The following FRRS1 variants were observed in gnomAD, a reference collection of about 807,000 sequenced individuals.
FRRS1 encodes the protein ferric reductase 1.
In FRRS1, 51 loss-of-function variants were observed where a neutral mutation model predicts 70.7. The observed-to-expected ratio is 0.72, with a 90% confidence interval of 0.58 to 0.91. The LOEUF (loss-of-function observed/expected upper bound fraction) is 0.91. Ranked by LOEUF, FRRS1 falls within the 40% of genes least tolerant of loss-of-function variation. The pLI is 0.00. For missense variants in FRRS1, 672 were observed against 726.0 expected (o/e 0.93, Z 0.86); for synonymous variants, 225 against 238.7 (o/e 0.94, Z 0.53).
At chr1:99,734,341 G>A (rs1655543608) in intron 7 of FRRS1, among the ~76,000 whole-genome samples, 1 of 152,106 alleles carries the variant, frequency 6.6e-6, no homozygotes, top group Non-Finnish European at 1.5e-5. Context: ...CATGTTCTTA[G>A]AAGACACATG....
intron 12 of FRRS1, among the ~76,000 whole-genome samples, chr1:99,715,208 G>C (rs1297902396): frequency 6.6e-6 from 1 of 152,126 alleles, no homozygotes; most frequent in Non-Finnish European, 1.5e-5. Context: ...GCTGGGTACT[G>C]AGTAGAAATC....
chr1:99,737,754 G>GT (rs869108657), intron 7 of FRRS1, among the ~76,000 whole-genome samples: 1 of 151,990 alleles, frequency 6.6e-6, no homozygotes, highest in African/African-American at 2.4e-5. Context: ...TTTTGGGGGG[G>GT]TTTTTTTAGA....
At chr1:99,712,870 T>A (rs1201266656) in intron 12 of FRRS1, among the ~76,000 whole-genome samples, 1 of 152,156 alleles carries the variant, frequency 6.6e-6, no homozygotes, top group African/African-American at 2.4e-5. Context: ...CCCATCAGGA[T>A]GTTGTAGGTT....
intron 4 of FRRS1, 145 bp from the exon 5 acceptor site, chr1:99,742,418 A>C: frequency 1.7e-6 from 1 of 586,728 alleles, no homozygotes. Flanking sequence ...GGACTCAGGC[A>C]CTCCATAAAT....
intron 15 of FRRS1, 65 bp downstream of exon 15, chr1:99,710,741 C>T (rs1043920627): frequency 4.3e-6 from 6 of 1,407,808 alleles, no homozygotes; most frequent in South Asian, 3.9e-5. Context: ...TATCGGGAAG[C>T]GCATTCTTTT....
At chr1:99,712,070 A>C (rs1654295552) in intron 14 of FRRS1, 35 bp downstream of exon 14, 10 of 1,428,596 alleles carry the variant, frequency 7.0e-6, no homozygotes, top group Non-Finnish European at 9.8e-6. Flanking sequence ...GCAGCTAGCA[A>C]TTATATATGA....
At chr1:99,723,174 C>A (rs987345544) in intron 9 of FRRS1, among the ~76,000 whole-genome samples, 1 of 152,042 alleles carries the variant, frequency 6.6e-6, no homozygotes, top group Non-Finnish European at 1.5e-5. Flanking sequence ...TGGAATATCC[C>A]AATGTGTTCC....
intron 7 of FRRS1, among the ~76,000 whole-genome samples, chr1:99,733,944 A>G: frequency 6.6e-6 from 1 of 152,250 alleles, no homozygotes; most frequent in Middle Eastern, 3.2e-3. Flanking sequence ...AGCATCATCA[A>G]TAATAGAACA....
In FRRS1 at chr1:99,709,077, C is replaced by T. The variant is rs537553225; in HGVS notation, c.1730G>A (p.Gly577Glu). 3 of 1,613,734 alleles carry T rather than the reference C, an allele frequency of 1.9e-6. No homozygotes were observed. Among genetic ancestry groups the T allele is most frequent in the East Asian group, 2.2e-5 (1 of 44,850 alleles). Reference protein sequence around the residue: ...KKAVLAIYVCGNVTFLIIFLS... With the variant: ...KKAVLAIYVCENVTFLIIFLS... ...AAATATGATGAGAAAAGTAACATTC[C>T]CACAGACATAAATTGCCAACACTGC... Residue 577 changes from glycine (G) to glutamate (E), a missense_variant, in exon 17 of 17, where the codon GGG becomes GAG. By Grantham distance (98) the Gly-to-Glu change is moderately conservative. Coordinates refer to ENST00000646001, the MANE Select transcript of FRRS1 (RefSeq NM_001361041.2).
At chr1:99,721,988 ATTTG>A (rs763404268) in intron 9 of FRRS1, among the ~76,000 whole-genome samples, 6 of 151,588 alleles carry the variant, frequency 4.0e-5, no homozygotes, top group East Asian at 1.9e-4. Context: ...TTTTTCCTTA[ATTTG>A]TTTATTTATT....
intron 1 of FRRS1, among the ~76,000 whole-genome samples, chr1:99,761,820 G>A (rs1657123018): frequency 1.3e-5 from 2 of 151,980 alleles, no homozygotes; most frequent in South Asian, 2.1e-4. Flanking sequence ...GATCACACAG[G>A]GACAGAAATT....
chr1:99,727,348 C>T (rs536026903), intron 9 of FRRS1, among the ~76,000 whole-genome samples: 1 of 152,232 alleles, frequency 6.6e-6, no homozygotes, highest in African/African-American at 2.4e-5. Flanking sequence ...GCCATATTTG[C>T]TATTGCTGGT....
At chr1:99,736,942 A>G (rs932160469) in intron 7 of FRRS1, among the ~76,000 whole-genome samples, 1 of 151,786 alleles carries the variant, frequency 6.6e-6, no homozygotes. Flanking sequence ...TAGTTTTTCT[A>G]TTACAGCCAT....
chr1:99,716,820 G>T (rs1262601007), intron 11 of FRRS1, among the ~76,000 whole-genome samples: 1 of 152,076 alleles, frequency 6.6e-6, no homozygotes, highest in Non-Finnish European at 1.5e-5. Flanking sequence ...TGTTTTGAAG[G>T]ATACTCATTG....
intron 1 of FRRS1, among the ~76,000 whole-genome samples, chr1:99,754,467 G>A (rs1317339068): frequency 1.3e-5 from 2 of 150,080 alleles, no homozygotes; most frequent in African/African-American, 2.5e-5. Context: ...CTGAGCAACA[G>A]AGAGTGAGAC....
At position 99,708,610 on chromosome 1, in the gene FRRS1, AAAAAAAAAAAAAAAAATATATATAT is replaced by A. The variant is rs1172326550; in HGVS notation, c.*393_*417del. The A allele has an allele frequency of 4.5e-5, 4 of 88,358 alleles. No individual in the cohort carries two copies. Among genetic ancestry groups the A allele is most frequent in the Non-Finnish European group, 4.2e-5 (2 of 47,804 alleles). 5.5% of individuals were successfully genotyped at this position (88,358 alleles called of 1,614,324 possible). Reference sequence around the variant, plus strand: ...AAGACTCTGTCTCAAAAAAAAAAAAAAAAAAAAAAAAAAAAATATATATATATATATATATATATATATATATATA... The same window carrying A: ...AAGACTCTGTCTCAAAAAAAAAAAAAATATATATATATATATATATATATA... On this transcript the variant is annotated 3_prime_UTR_variant, in exon 17 of 17. Coordinates refer to ENST00000646001, the MANE Select transcript of FRRS1 (RefSeq NM_001361041.2).
intron 9 of FRRS1, among the ~76,000 whole-genome samples, chr1:99,722,872 G>T: frequency 6.6e-6 from 1 of 152,090 alleles, no homozygotes; most frequent in South Asian, 2.1e-4. Flanking sequence ...GAAAATGAGG[G>T]CTATTAACCT....
chr1:99,740,330 T>C (rs529899015), intron 6 of FRRS1, among the ~76,000 whole-genome samples: 2 of 152,350 alleles, frequency 1.3e-5, no homozygotes, highest in South Asian at 2.1e-4. Flanking sequence ...GGGTCTTGCA[T>C]TCCCTTCATT....
chr1:99,732,275 A>G (rs1376561144), intron 7 of FRRS1, among the ~76,000 whole-genome samples: 1 of 152,130 alleles, frequency 6.6e-6, no homozygotes, highest in East Asian at 1.9e-4. Flanking sequence ...ACCCTATAAG[A>G]ACTTCCACCA....
Sources: allele counts gnomAD v4.1 joint callset (sites outside exome capture counted in the v4.1 genomes callset), GRCh38; gene constraint gnomAD v4.1.1; transcripts MANE v1.5; gene names NCBI Gene and HGNC (gene_info 2026-07-23, HGNC 2026-07-21).